Variants in NUDT5 observed in about 807,000 individuals in gnomAD.
NUDT5 encodes ADP-sugar pyrophosphatase.
In NUDT5, 21 loss-of-function variants were observed where a neutral mutation model predicts 34.1. The ratio of observed to expected loss-of-function variants is 0.62; its 90% CI spans 0.44 to 0.89. The LOEUF (loss-of-function observed/expected upper bound fraction) is 0.89. NUDT5 is among the 40% of genes least tolerant of loss of function. The pLI, the probability that NUDT5 is intolerant of heterozygous loss-of-function variation, is 0.00. For missense variants in NUDT5, 249 were observed against 274.8 expected, an observed-to-expected ratio of 0.91 and a Z score of 0.66; for synonymous variants, 85 against 97.6, an observed-to-expected ratio of 0.87 and a Z score of 0.76.
At chr10:12,192,418 T>G (rs1472839374) in intron 1 of NUDT5, among the ~76,000 whole-genome samples, 1 of 152,194 alleles carries the variant, frequency 6.6e-6, no homozygotes, top group African/African-American at 2.4e-5. Context: ...AAATTGGGCA[T>G]GTCTAAAGTG....
Position 12,172,865 on chromosome 10 carries a change from C to A in NUDT5, c.387G>T (p.Ala129=), listed in dbSNP as rs199832214. The change falls in exon 7 of 10, where the codon GCG becomes GCT. Residue 129 remains alanine, a splice_region_variant and synonymous_variant. Coordinates refer to ENST00000491614, the MANE Select transcript of NUDT5 (RefSeq NM_014142.4). The part of the protein sequence containing the change: ...YKGDIAECSP[A]VCMDPGLSNC... ...TTGACAAGCCTGGGTCCATACAGAC[C>A]GCTGTGGAGAGAAGGGACAGTCAGA... The A allele has an allele frequency of 3.7e-5, 59 of 1,610,114 alleles. No individual in the cohort carries two copies. The highest frequency in any genetic ancestry group is 4.9e-5 in the Non-Finnish European group (58 of 1,176,614).
At chr10:12,192,509 A>T (rs774491023) in intron 1 of NUDT5, among the ~76,000 whole-genome samples, 1 of 152,190 alleles carries the variant, frequency 6.6e-6, no homozygotes, top group Non-Finnish European at 1.5e-5. Context: ...ATTTGCAGTT[A>T]TATTTAATAA....
At position 12,175,932 on chromosome 10, in the gene NUDT5, A is replaced by G. The variant is rs1409173023; in HGVS notation, c.289+1861T>C. Among the ~76,000 whole-genome samples, 1 of 152,186 alleles carries G rather than the reference A, an allele frequency of 6.6e-6. No homozygotes were observed. The highest frequency in any genetic ancestry group is 6.6e-5 in the Admixed American group (1 of 15,266). ...AGAATTTATTCACGTTAATATTAAA[A>G]GTAATTAAATAGCCTGGCCAGGCGT... On this transcript the variant is annotated intron_variant, in intron 5 of 9. Transcript: ENST00000491614. The surrounding 1 kb of genome is among the most constrained non-coding windows in gnomAD (Gnocchi z 4.8).
Position 12,170,725 on chromosome 10 carries a change from C to A in NUDT5, c.542G>T (p.Arg181Ile). 6.2e-7 allele frequency: 1 copy of A among 1,613,792 alleles called. No homozygotes were observed. The highest frequency in any genetic ancestry group is 8.5e-7 in the Non-Finnish European group (1 of 1,180,018). ...ISLPKNDLLQ[R>I]LDALVAEEHL... ...GTCTGGAGAATGCTTACCATCAAGT[C>A]TCTGCAGCAGGTCATTCTTGGGTAA... The change falls in exon 9 of 10, where the codon AGA (arginine) becomes ATA (isoleucine). Residue 181 changes from arginine (R) to isoleucine (I), a missense_variant. Transcript: ENST00000491614. The surrounding 1 kb of genome is among the most constrained non-coding windows in gnomAD (Gnocchi z 4.9).
At chr10:12,194,022 A>C (rs1027452588) in intron 1 of NUDT5, among the ~76,000 whole-genome samples, 4 of 152,180 alleles carry the variant, frequency 2.6e-5, no homozygotes, top group Admixed American at 6.5e-5. Flanking sequence ...GACTACAGGC[A>C]TGCGCCAACA....
chr10:12,173,634 T>C lies in NUDT5; in HGVS notation c.385+84A>G, dbSNP rs1213966700. 2.7e-5 allele frequency: 28 copies of C among 1,033,198 alleles called. No homozygotes were observed. Among genetic ancestry groups the C allele is most frequent in the Non-Finnish European group, 1.5e-6 (1 of 652,924 alleles). 64.0% of individuals were successfully genotyped at this position (1,033,198 alleles called of 1,614,324 possible). A position where few individuals can be genotyped will look rare whatever the true frequency, so the allele number is the denominator to read the frequency against. ...TGTGATTTCTTTCTCTTCAGTGAAT[T>C]CTGAGCGTAAAGAACACCCAAATAA... is the stretch of plus-strand genomic sequence containing the variant. On this transcript the variant is annotated intron_variant, in intron 6 of 9. Coordinates refer to ENST00000491614, the MANE Select transcript of NUDT5 (RefSeq NM_014142.4). The surrounding 1 kb of genome is among the most constrained non-coding windows in gnomAD (Gnocchi z 4.7).
intron 1 of NUDT5, among the ~76,000 whole-genome samples, chr10:12,192,284 C>G: frequency 6.7e-6 from 1 of 149,270 alleles, no homozygotes. Context: ...AGCATGGTGA[C>G]AGAGTGAGAC....
chr10:12,167,776 T>G lies in NUDT5; in HGVS notation c.586A>C (p.Arg196=). 6.2e-7 allele frequency: 1 copy of G among 1,614,194 alleles called. No homozygotes were observed. Among genetic ancestry groups the G allele is most frequent in the Non-Finnish European group, 8.5e-7 (1 of 1,180,038 alleles). Residue 196 remains arginine (R), a synonymous_variant, in exon 10 of 10, where the codon AGG becomes CGG. Transcript: ENST00000491614. ...AGTGCTAGAGCGTAGGAATAGACCC[T>G]GGCGTCCACTGTGAGATGTTCTTCA... ...VAEEHLTVDA[R]VYSYALALKH...
Position 12,186,503 on chromosome 10 carries a change from G to A in NUDT5, c.-41-171C>T, listed in dbSNP as rs546286362. 3.3e-5 allele frequency among the ~76,000 whole-genome samples: 5 copies of A among 152,320 alleles called. No individual in the cohort carries two copies. The East Asian group carries it at 5.8e-4, about 18-fold the overall frequency. ...GGTGGAAATGTGAACAGGGAGGCCC[G>A]GGGATTAGCCAGGAAGGAAGTGACA... On this transcript the variant is annotated intron_variant, in intron 1 of 9. Transcript: ENST00000491614.
rs1056734738 is a variant in NUDT5 at position 12,175,147 on chromosome 10, C to T, written c.290-1334G>A. ...CCAGCCTGGCCAACATGGTGAAACCCTGTCTCCACTAAAAATACAAAAAAT... is the reference window on the plus strand; with the variant it reads ...CCAGCCTGGCCAACATGGTGAAACCTTGTCTCCACTAAAAATACAAAAAAT... On this transcript the variant is annotated intron_variant, in intron 5 of 9. Coordinates refer to ENST00000491614, the MANE Select transcript of NUDT5 (RefSeq NM_014142.4). This position sits in a 1 kb window ranked among gnomAD's most constrained non-coding sequence, Gnocchi z 4.8. Among the ~76,000 whole-genome samples the T allele has an allele frequency of 3.4e-4, 52 of 151,804 alleles. No homozygotes were observed. Among genetic ancestry groups the T allele is most frequent in the African/African-American group, 1.2e-3 (50 of 41,348 alleles).
intron 3 of NUDT5, among the ~76,000 whole-genome samples, chr10:12,179,843 T>C (rs1835016404): frequency 2.0e-5 from 3 of 152,202 alleles, no homozygotes; most frequent in South Asian, 4.1e-4. Flanking sequence ...TGGGGCACAG[T>C]TGTACAGGAA....
At chr10:12,174,199 C>T (rs576179648) in intron 5 of NUDT5, among the ~76,000 whole-genome samples, 49 of 151,000 alleles carry the variant, frequency 3.2e-4, no homozygotes, top group African/African-American at 1.0e-3. Flanking sequence ...CCTGCTGCTG[C>T]ACTACGTTAG....
At position 12,177,803 on chromosome 10, in the gene NUDT5, C is replaced by A. The variant is rs750982065; in HGVS notation, c.279G>T (p.Glu93Asp). ...TGTTGAGTGACTCACCTGCAGGGAA[C>A]TCTATGCAGTAGCCCCCCATTGGTG... ...FRPPMGGYCI[E>D]FPAGLIDDGE... Residue 93 changes from glutamate to aspartate, a missense_variant, in exon 5 of 10, where the codon GAG becomes GAT. Physicochemically the swap from Glu to Asp is conservative, Grantham distance 45. Coordinates refer to ENST00000491614, the MANE Select transcript of NUDT5 (RefSeq NM_014142.4). The A allele has an allele frequency of 1.2e-6, 2 of 1,612,976 alleles. No homozygotes were observed. Among genetic ancestry groups the A allele is most frequent in the Middle Eastern group, 1.6e-4 (1 of 6,062 alleles).
chr10:12,174,806 C>A (rs1324697757), intron 5 of NUDT5, among the ~76,000 whole-genome samples: 1 of 152,148 alleles, frequency 6.6e-6, no homozygotes, highest in African/African-American at 2.4e-5. Flanking sequence ...GCACAGGAAG[C>A]CTGCTCATAT....
intron 3 of NUDT5, 101 bp from the exon 4 acceptor site, chr10:12,179,233 A>C (rs1835006887): frequency 1.2e-6 from 1 of 861,058 alleles, no homozygotes; most frequent in Non-Finnish European, 1.9e-6. Context: ...AATGCATGCA[A>C]ATGTACTCAT....
At chr10:12,193,140 A>G (rs1159429771) in intron 1 of NUDT5, among the ~76,000 whole-genome samples, 2 of 152,220 alleles carry the variant, frequency 1.3e-5, no homozygotes, top group Non-Finnish European at 2.9e-5. Context: ...GACGTATAGT[A>G]ACGACACTGT....
At chr10:12,190,154 G>C (rs1028886714) in intron 1 of NUDT5, among the ~76,000 whole-genome samples, 2 of 152,194 alleles carry the variant, frequency 1.3e-5, no homozygotes, top group Non-Finnish European at 2.9e-5. Context: ...CTGCCAAAGT[G>C]CTGGAATTAC....
At position 12,169,222 on chromosome 10, in the gene NUDT5, C is replaced by T. The variant is rs1228296914; in HGVS notation, c.551-1411G>A. 2 of 1,411,096 alleles carry T rather than the reference C, an allele frequency of 1.4e-6. No homozygotes were observed. Among genetic ancestry groups the T allele is most frequent in the South Asian group, 2.5e-5 (2 of 79,728 alleles). 87.4% of individuals were successfully genotyped at this position (1,411,096 alleles called of 1,614,324 possible). On this transcript the variant is annotated intron_variant, in intron 9 of 9. Coordinates refer to ENST00000491614, the MANE Select transcript of NUDT5 (RefSeq NM_014142.4). The surrounding 1 kb of genome is among the most constrained non-coding windows in gnomAD (Gnocchi z 4.8). ...GCCATAGTAGCCCTCTCTCCACCTC[C>T]CCTCACTTATTCTATTTTTTTCTCC...
At position 12,184,871 on chromosome 10, in the gene NUDT5, GAAAA is replaced by G. The variant is rs34162051; in HGVS notation, c.131+14_131+17del. On this transcript the variant is annotated intron_variant, in intron 3 of 9. Coordinates refer to ENST00000491614, the MANE Select transcript of NUDT5 (RefSeq NM_014142.4). ...AACCCAAATAACGAACATTTTGTAAGAAAAAAAAAAAGTTTACCTAGTTTTACCA... is the reference window on the plus strand; with the variant it reads ...AACCCAAATAACGAACATTTTGTAAGAAAAAAAGTTTACCTAGTTTTACCA... The G allele has an allele frequency of 6.1e-6, 7 of 1,152,252 alleles. No individual in the cohort carries two copies. The East Asian group carries it at 2.2e-4, about 37-fold the overall frequency. The allele number at this position is 1,152,252 out of a possible 1,614,324, so 71.4% of individuals were successfully genotyped here. A position where few individuals can be genotyped will look rare whatever the true frequency, so the allele number is the denominator to read the frequency against.
Sources: gnomAD v4.1 joint callset for allele counts (sites outside exome capture counted in the v4.1 genomes callset) on GRCh38, gnomAD v4.1.1 for gene constraint, Gnocchi (gnomAD v3.1) non-coding constraint, MANE v1.5 for transcripts, NCBI Gene and HGNC (gene_info 2026-07-23, HGNC 2026-07-21) for gene names.